RSRC1: variants seen among roughly 807,000 people sequenced by gnomAD.
RSRC1 encodes serine/Arginine-related protein 53.
Under a neutral mutation model 49.1 loss-of-function variants are expected in RSRC1, and 39 were observed. The observed-to-expected ratio is 0.79, with a 90% CI of 0.61 to 1.04. The LOEUF is 1.04. Ranked by LOEUF, RSRC1 falls within the 50% of genes least tolerant of loss-of-function variation. RSRC1 has a pLI of 0.00. For missense variants in RSRC1, 388 were observed against 402.4 expected, an observed-to-expected ratio of 0.96 and a Z score of 0.31; for synonymous variants, 143 against 130.8, an observed-to-expected ratio of 1.09 and a Z score of -0.63.
rs144812262 is a variant in RSRC1, at chr3:158,146,208, G to A, written c.320+22217G>A. Among the ~76,000 whole-genome samples the A allele has an allele frequency of 5.5e-3, 837 of 152,268 alleles. 8 individuals are homozygous for A. Among genetic ancestry groups the A allele is most frequent in the African/African-American group, 0.019 (800 of 41,552 alleles). On this transcript the variant is annotated intron_variant, in intron 3 of 9. Coordinates refer to ENST00000611884, the MANE Select transcript of RSRC1 (RefSeq NM_001271838.2). ...GAGAGGGCCTCCCTGTCTTGTGCCAGTTTTCAAAGGGAATGCTTCCAGTTC... is the reference window on the plus strand; with the variant it reads ...GAGAGGGCCTCCCTGTCTTGTGCCAATTTTCAAAGGGAATGCTTCCAGTTC...
intron 3 of RSRC1, among the ~76,000 whole-genome samples, chr3:158,187,524 A>G (rs1378656850): frequency 2.6e-5 from 4 of 152,006 alleles, no homozygotes; most frequent in Non-Finnish European, 5.9e-5. Flanking sequence ...ATATTATTCA[A>G]TTGAGCAATA....
chr3:158,545,218 T>TTG lies in RSRC1; in HGVS notation c.*944_*945dup, dbSNP rs1553824714. ...CTTTTTTTTTTTTTTTTTTTTTTTT[T>TTG]TGAGACGGAGTCTCGCTCTATCCCC... On this transcript the variant is annotated 3_prime_UTR_variant, in exon 10 of 10. Coordinates refer to ENST00000611884, the MANE Select transcript of RSRC1 (RefSeq NM_001271838.2). 5 of 139,460 alleles carry TTG rather than the reference T, an allele frequency of 3.6e-5. No individual in the cohort carries two copies. The highest frequency in any genetic ancestry group is 1.1e-4 in the African/African-American group (4 of 36,276). 8.6% of individuals were successfully genotyped at this position (139,460 alleles called of 1,614,324 possible). A position where few individuals can be genotyped will look rare whatever the true frequency, so the allele number is the denominator to read the frequency against.
chr3:158,537,245 G>A (rs1211026295), intron 8 of RSRC1, 47 bp downstream of exon 8: 1 of 1,096,684 alleles, frequency 9.1e-7, no homozygotes, highest in Non-Finnish European at 1.3e-6. Flanking sequence ...GATTCTACCT[G>A]AAGAGATGCT....
At chr3:158,127,570 C>A (rs564281531) in intron 3 of RSRC1, among the ~76,000 whole-genome samples, 2 of 151,632 alleles carry the variant, frequency 1.3e-5, no homozygotes, top group African/African-American at 2.4e-5. Context: ...TTTGTTTATA[C>A]TTTGTTCTCT....
chr3:158,496,863 A>C (rs935579967), intron 7 of RSRC1: 1 of 212,218 alleles, frequency 4.7e-6, no homozygotes, highest in African/African-American at 2.3e-5. Context: ...ATTGTGTAGT[A>C]GTTAAGGACT....
At chr3:158,146,530 C>A (rs1300996078) in intron 3 of RSRC1, among the ~76,000 whole-genome samples, 2 of 152,096 alleles carry the variant, frequency 1.3e-5, no homozygotes, top group Non-Finnish European at 2.9e-5. Flanking sequence ...GTTCGGTTTG[C>A]CAGTATTTTA....
chr3:158,467,382 T>A (rs1737938017), intron 7 of RSRC1, among the ~76,000 whole-genome samples: 1 of 152,244 alleles, frequency 6.6e-6, no homozygotes, highest in African/African-American at 2.4e-5. Flanking sequence ...CTGTGTGACC[T>A]TAGGTAGTCC....
intron 3 of RSRC1, among the ~76,000 whole-genome samples, chr3:158,181,303 G>T (rs1038656154): frequency 6.6e-5 from 10 of 152,186 alleles, no homozygotes; most frequent in Non-Finnish European, 1.0e-4. Context: ...GCATGCTAAG[G>T]ATCCTTTTTG....
chr3:158,418,608 G>T (rs557530263), intron 6 of RSRC1, among the ~76,000 whole-genome samples: 1 of 152,008 alleles, frequency 6.6e-6, no homozygotes, highest in East Asian at 2.0e-4. Context: ...TAGATAGCTA[G>T]CCCTTTACCT....
At chr3:158,274,918 TA>T (rs1391116600) in intron 4 of RSRC1, among the ~76,000 whole-genome samples, 1 of 152,182 alleles carries the variant, frequency 6.6e-6, no homozygotes, top group Admixed American at 6.5e-5. Flanking sequence ...AAGATGTTTT[TA>T]AAACTGAATA....
chr3:158,513,112 T>A (rs1447484489), intron 7 of RSRC1, among the ~76,000 whole-genome samples: 2 of 145,416 alleles, frequency 1.4e-5, no homozygotes, highest in Admixed American at 1.4e-4. Flanking sequence ...TTTATTTCCT[T>A]CTCCTGCCTA....
intron 3 of RSRC1, among the ~76,000 whole-genome samples, chr3:158,171,534 A>G (rs1187830167): frequency 1.3e-5 from 2 of 152,186 alleles, no homozygotes; most frequent in Non-Finnish European, 2.9e-5. Context: ...TAGTAGAGAA[A>G]TATAACCTGT....
intron 5 of RSRC1, among the ~76,000 whole-genome samples, chr3:158,338,035 A>G (rs1730016217): frequency 6.6e-6 from 1 of 152,218 alleles, no homozygotes; most frequent in African/African-American, 2.4e-5. Context: ...AAGCAGCATC[A>G]CTGAGGAGGT....
intron 4 of RSRC1, among the ~76,000 whole-genome samples, chr3:158,203,630 A>G (rs1721195208): frequency 6.6e-6 from 1 of 152,160 alleles, no homozygotes; most frequent in South Asian, 2.1e-4. Context: ...AAAAATGTCT[A>G]TTACCATATT....
intron 7 of RSRC1, among the ~76,000 whole-genome samples, chr3:158,516,201 C>T (rs543598872): frequency 4.3e-4 from 65 of 152,180 alleles, no homozygotes; most frequent in East Asian, 3.9e-3. Flanking sequence ...AGTTTTTCTG[C>T]TCTGTTTTTT....
chr3:158,441,854 G>A (rs1384849979), intron 6 of RSRC1, among the ~76,000 whole-genome samples: 1 of 151,986 alleles, frequency 6.6e-6, no homozygotes, highest in African/African-American at 2.4e-5. Context: ...TGAATACAAA[G>A]GACCCTGAAC....
At chr3:158,333,190 G>A (rs969494523) in intron 5 of RSRC1, among the ~76,000 whole-genome samples, 1 of 151,994 alleles carries the variant, frequency 6.6e-6, no homozygotes, top group Non-Finnish European at 1.5e-5. Flanking sequence ...GGATGGTCTC[G>A]ATTTCCTGAC....
chr3:158,442,950 C>T (rs1235736456), intron 6 of RSRC1, among the ~76,000 whole-genome samples: 2 of 152,038 alleles, frequency 1.3e-5, no homozygotes, highest in Admixed American at 6.6e-5. Flanking sequence ...ACCAGGTATA[C>T]TGTCAATAAG....
chr3:158,535,629 A>G (rs1027320014), intron 7 of RSRC1, among the ~76,000 whole-genome samples: 1 of 151,368 alleles, frequency 6.6e-6, no homozygotes, highest in Non-Finnish European at 1.5e-5. Flanking sequence ...GAAACTGTTC[A>G]AGATGATCCT....
Sources: gnomAD v4.1 joint callset for allele counts (sites outside exome capture counted in the v4.1 genomes callset) on GRCh38, gnomAD v4.1.1 for gene constraint, MANE v1.5 for transcripts, NCBI Gene and HGNC (gene_info 2026-07-23, HGNC 2026-07-21) for gene names.